The following FRS2 variants were observed in gnomAD, a reference collection of about 807,000 sequenced individuals.
FRS2 encodes the protein FGFR signalling adaptor.
A neutral mutation model predicts 43.9 loss-of-function variants in FRS2; 8 were observed. That is an observed-to-expected ratio of 0.18 (90% CI 0.11 to 0.33). The LOEUF (loss-of-function observed/expected upper bound fraction) is 0.33, where lower values mean the gene tolerates loss of function less well. FRS2 is among the 10% of genes least tolerant of loss of function. FRS2 has a pLI of 1.00. For synonymous variants in FRS2, 219 were observed against 220.3 expected, an observed-to-expected ratio of 0.99 and a Z score of 0.05; for missense variants, 534 against 627.6, an observed-to-expected ratio of 0.85 and a Z score of 1.59.
At chr12:69,476,753 C>G (rs967490314) in intron 1 of FRS2, among the ~76,000 whole-genome samples, 6 of 80,100 alleles carry the variant, frequency 7.5e-5, no homozygotes, top group Non-Finnish European at 1.0e-4. Context: ...GGGGGAGGGA[C>G]GGGGGGGGGT....
At chr12:69,525,607 T>G (rs1876135256) in intron 1 of FRS2, among the ~76,000 whole-genome samples, 7 of 152,162 alleles carry the variant, frequency 4.6e-5, no homozygotes. Flanking sequence ...AAAGTTGTAT[T>G]GTTTATAATT....
intron 1 of FRS2, among the ~76,000 whole-genome samples, chr12:69,497,993 C>T (rs1033104759): frequency 2.2e-4 from 32 of 144,600 alleles, no homozygotes; most frequent in African/African-American, 8.6e-4. Flanking sequence ...CAATATCTAT[C>T]ATCAGTCCTT....
chr12:69,489,874 A>G (rs1872309516), intron 1 of FRS2, among the ~76,000 whole-genome samples: 1 of 150,940 alleles, frequency 6.6e-6, no homozygotes, highest in Non-Finnish European at 1.5e-5. Flanking sequence ...CTGGCAAAGG[A>G]ATATACTGAT....
In FRS2 at chr12:69,572,260, T is replaced by C. The variant is rs1265839541; in HGVS notation, c.555T>C (p.Pro185=). 3 of 1,613,706 alleles carry C rather than the reference T, an allele frequency of 1.9e-6. No individual in the cohort carries two copies. The highest frequency in any genetic ancestry group is 2.7e-5 in the African/African-American group (2 of 74,928). ...CAGTAGGGGAAGAATCTACACATCC[T>C]TTGCTTGTGGCTGAGGAACAAGTAA... ...LPSVGEESTH[P]LLVAEEQVHT... The change falls in exon 8 of 9, where the codon CCT becomes CCC. Residue 185 remains proline, a synonymous_variant. Transcript: ENST00000549921.
intron 3 of FRS2, among the ~76,000 whole-genome samples, chr12:69,546,414 C>T (rs1425720270): frequency 1.3e-5 from 2 of 152,126 alleles, no homozygotes; most frequent in Admixed American, 1.3e-4. Context: ...TGCACCACCA[C>T]ACCTGGCTAA....
chr12:69,536,510 A>G (rs1013964309), intron 3 of FRS2, among the ~76,000 whole-genome samples: 4 of 151,242 alleles, frequency 2.6e-5, no homozygotes, highest in African/African-American at 9.7e-5. Context: ...TCTGAATGAC[A>G]ATCTTTATTT....
At chr12:69,480,687 A>G (rs1871277106) in intron 1 of FRS2, among the ~76,000 whole-genome samples, 1 of 152,160 alleles carries the variant, frequency 6.6e-6, no homozygotes. Context: ...CATTTTATTC[A>G]GTTCCTTCTT....
chr12:69,562,370 G>T (rs1040178741), intron 4 of FRS2, 96 bp downstream of exon 4: 11 of 392,144 alleles, frequency 2.8e-5, no homozygotes, highest in African/African-American at 1.9e-4. Flanking sequence ...CTGTTATGTT[G>T]CCCAGGCGGT....
intron 1 of FRS2, among the ~76,000 whole-genome samples, chr12:69,509,365 T>C (rs1565734940): frequency 1.3e-5 from 2 of 152,326 alleles, no homozygotes; most frequent in East Asian, 3.9e-4. Context: ...CTGTGTTTTG[T>C]CTTCACTGTC....
intron 3 of FRS2, among the ~76,000 whole-genome samples, chr12:69,556,763 T>C (rs1227523828): frequency 2.0e-5 from 3 of 152,238 alleles, no homozygotes; most frequent in Non-Finnish European, 4.4e-5. Context: ...ATAATATTAG[T>C]TCGTGTATTT....
intron 3 of FRS2, among the ~76,000 whole-genome samples, chr12:69,536,101 C>CCTTTTTTTTTTTTTTTTTTT (rs1877251782): frequency 5.4e-5 from 2 of 37,176 alleles, no homozygotes; most frequent in African/African-American, 1.8e-4. Context: ...TATTTTCATT[C>CCTTTTTTTTTTTTTTTTTTT]TTTTTTTTTT....
At chr12:69,492,092 A>G (rs1437192817) in intron 1 of FRS2, among the ~76,000 whole-genome samples, 1 of 152,190 alleles carries the variant, frequency 6.6e-6, no homozygotes, top group East Asian at 1.9e-4. Flanking sequence ...CTCTTGTGCA[A>G]ACAACTGGCT....
rs1189683274 is a variant in FRS2, at chr12:69,511,654, T to C, written c.-260-19211T>C. The stretch of plus-strand genomic sequence containing the variant: ...TTAGGTCAGTCGTTGAGTTCTATGA[T>C]CCATTACAAAGGAATGGTAAACTGC... On this transcript the variant is annotated intron_variant, in intron 1 of 8. Transcript: ENST00000549921. Among the ~76,000 whole-genome samples, 29 of 152,178 alleles carry C rather than the reference T, an allele frequency of 1.9e-4. 1 individual carries two copies. The highest frequency in any genetic ancestry group is 1.9e-3 in the Admixed American group (29 of 15,268).
chr12:69,497,107 A>G (rs1872971207), intron 1 of FRS2, among the ~76,000 whole-genome samples: 1 of 152,192 alleles, frequency 6.6e-6, no homozygotes, highest in South Asian at 2.1e-4. Flanking sequence ...TGTTGTCTGT[A>G]CTGGGGACTG....
At chr12:69,534,773 T>C (rs569791341) in intron 3 of FRS2, among the ~76,000 whole-genome samples, 28 of 152,220 alleles carry the variant, frequency 1.8e-4, no homozygotes, top group Non-Finnish European at 3.8e-4. Flanking sequence ...TTTGTTTTCA[T>C]GTAAGCCACA....
Position 69,572,292 on chromosome 12 carries a change from G to C in FRS2, c.576+11G>C, listed in dbSNP as rs764606885. 3 of 1,603,520 alleles carry C rather than the reference G, an allele frequency of 1.9e-6. No homozygotes were observed. Among genetic ancestry groups the C allele is most frequent in the East Asian group, 4.5e-5 (2 of 44,834 alleles). On this transcript the variant is annotated intron_variant, in intron 8 of 8. Coordinates refer to ENST00000549921, the MANE Select transcript of FRS2 (RefSeq NM_001278356.2). ...GTGGCTGAGGAACAAGTAAGCATGT[G>C]CTACTGTGTAACAGCAATAATGATT...
chr12:69,493,296 T>C (rs1015882039), intron 1 of FRS2, among the ~76,000 whole-genome samples: 1 of 152,246 alleles, frequency 6.6e-6, no homozygotes, highest in Non-Finnish European at 1.5e-5. Flanking sequence ...TTTGGTCTTA[T>C]TCTGTCTCAG....
chr12:69,535,763 A>G (rs896844347), intron 3 of FRS2, among the ~76,000 whole-genome samples: 21 of 151,748 alleles, frequency 1.4e-4, no homozygotes, highest in African/African-American at 4.6e-4. Flanking sequence ...TTATTTGGGG[A>G]CTGATTTATG....
intron 7 of FRS2, 38 bp from the exon 8 acceptor site, chr12:69,572,080 C>T (rs1024113397): frequency 3.6e-5 from 57 of 1,561,770 alleles, no homozygotes; most frequent in Non-Finnish European, 4.6e-5. Context: ...CTCTCTGCCC[C>T]GCCCCCCTTT....
Sources: gnomAD v4.1 joint callset for allele counts (sites outside exome capture counted in the v4.1 genomes callset) on GRCh38, gnomAD v4.1.1 for gene constraint, MANE v1.5 for transcripts, NCBI Gene and HGNC (gene_info 2026-07-23, HGNC 2026-07-21) for gene names.